Variants in COL22A1 observed in about 807,000 individuals in gnomAD.
COL22A1 encodes collagen type XXII alpha 1 chain.
COL22A1 carries 221 observed loss-of-function variants against 248.9 expected under a neutral mutation model. That is an observed-to-expected ratio of 0.89 (90% CI 0.80 to 0.99). The LOEUF (loss-of-function observed/expected upper bound fraction) is 0.99. Ranked by LOEUF, COL22A1 falls within the 50% of genes least tolerant of loss-of-function variation. The pLI is 0.00. For missense variants in COL22A1, 2,240 were observed against 2,179.0 expected (o/e 1.03, Z -0.56); for synonymous variants, 891 against 793.4 (o/e 1.12, Z -2.07).
intron 16 of COL22A1, among the ~76,000 whole-genome samples, chr8:138,775,030 T>C (rs1814292735): frequency 6.6e-6 from 1 of 152,164 alleles, no homozygotes; most frequent in Non-Finnish European, 1.5e-5. Context: ...TCACTATCTT[T>C]CAAATATCTT....
intron 3 of COL22A1, among the ~76,000 whole-genome samples, chr8:138,845,202 C>T (rs746450900): frequency 6.6e-6 from 1 of 152,064 alleles, no homozygotes; most frequent in Non-Finnish European, 1.5e-5. Flanking sequence ...TTAAAGTCTT[C>T]ATGGATCCTC....
At chr8:138,730,411 C>A (rs766298699) in intron 23 of COL22A1, among the ~76,000 whole-genome samples, 1 of 152,070 alleles carries the variant, frequency 6.6e-6, no homozygotes, top group Non-Finnish European at 1.5e-5. Context: ...TACTACGTAC[C>A]GCTGTGTTCT....
rs373542090 is a variant in COL22A1 at position 138,756,684 on chromosome 8, A to G, written c.1903-855T>C. The stretch of plus-strand genomic sequence containing the variant: ...TCACCAATTAAAGCTGAAGGCATCT[A>G]TTAGGTCTTAAGGCTAAGGGGGAAG... On this transcript the variant is annotated intron_variant, in intron 18 of 64. Coordinates refer to ENST00000303045, the MANE Select transcript of COL22A1 (RefSeq NM_152888.3). 2.6e-5 allele frequency among the ~76,000 whole-genome samples: 4 copies of G among 152,298 alleles called. No homozygotes were observed. The East Asian group carries it at 5.8e-4, about 22-fold the overall frequency.
At chr8:138,624,598 C>T (rs1398562888) in intron 51 of COL22A1, among the ~76,000 whole-genome samples, 1 of 152,182 alleles carries the variant, frequency 6.6e-6, no homozygotes, top group African/African-American at 2.4e-5. Flanking sequence ...AACACAAAAT[C>T]CAAATTGAAA....
intron 49 of COL22A1, among the ~76,000 whole-genome samples, chr8:138,632,150 G>A (rs1337840967): frequency 6.6e-6 from 1 of 151,966 alleles, no homozygotes; most frequent in Admixed American, 6.6e-5. Flanking sequence ...GGAAGGGGAG[G>A]AGCAATGCGG....
chr8:138,595,598 G>A (rs1205216007), intron 62 of COL22A1, among the ~76,000 whole-genome samples: 1 of 152,016 alleles, frequency 6.6e-6, no homozygotes, highest in Non-Finnish European at 1.5e-5. Flanking sequence ...CTTAACGTGT[G>A]CTTCAGAAAA....
Position 138,863,978 on chromosome 8 carries a change from C to T in COL22A1, c.658+13772G>A, listed in dbSNP as rs945755669. Reference sequence around the variant, plus strand: ...TTCACAAACTGTATTCTTTCAATTCCATTTTGTTCCCCCTCCCCAGAAAAA... The same window carrying T: ...TTCACAAACTGTATTCTTTCAATTCTATTTTGTTCCCCCTCCCCAGAAAAA... On this transcript the variant is annotated intron_variant, in intron 3 of 64. Transcript: ENST00000303045. Among the ~76,000 whole-genome samples the T allele has an allele frequency of 5.3e-5, 8 of 152,122 alleles. No individual in the cohort carries two copies. The South Asian group carries it at 1.7e-3, about 32-fold the overall frequency.
intron 16 of COL22A1, among the ~76,000 whole-genome samples, chr8:138,771,763 A>G (rs763589949): frequency 2.0e-5 from 3 of 152,206 alleles, no homozygotes; most frequent in Non-Finnish European, 2.9e-5. Context: ...CAGAGAAGAC[A>G]TTAATATTTC....
intron 4 of COL22A1, 39 bp downstream of exon 4, chr8:138,844,045 C>T (rs779527033): frequency 6.3e-7 from 1 of 1,577,274 alleles, no homozygotes; most frequent in South Asian, 1.1e-5. Context: ...GCAAATCATA[C>T]ACCAAAGCAA....
chr8:138,741,588 T>C (rs1831562575), intron 22 of COL22A1, among the ~76,000 whole-genome samples: 2 of 152,220 alleles, frequency 1.3e-5, no homozygotes, highest in South Asian at 4.1e-4. Context: ...ATCCCTCAAC[T>C]GTAACAGAGA....
intron 3 of COL22A1, 66 bp from the exon 4 acceptor site, chr8:138,844,224 T>C: frequency 1.2e-5 from 17 of 1,473,276 alleles, no homozygotes; most frequent in Non-Finnish European, 1.6e-5. Flanking sequence ...CTGTGAAATA[T>C]GACAGCACAC....
chr8:138,654,755 C>A (rs1244293435), intron 45 of COL22A1, among the ~76,000 whole-genome samples: 1 of 152,188 alleles, frequency 6.6e-6, no homozygotes, highest in Non-Finnish European at 1.5e-5. Context: ...GGCACCTGGG[C>A]ACCTGTGCAA....
Position 138,844,078 on chromosome 8 carries a change from C to T in COL22A1, c.733+6G>A. ...CAAGCACACGTGGTTATTGTTTTTC[C>T]CTTACCTGTGATTTCCTTGGTTCCT... On this transcript the variant is annotated splice_donor_region_variant and intron_variant, in intron 4 of 64. Transcript: ENST00000303045. 6.2e-7 allele frequency: 1 copy of T among 1,613,210 alleles called. No individual in the cohort carries two copies. Among genetic ancestry groups the T allele is most frequent in the Non-Finnish European group, 8.5e-7 (1 of 1,179,148 alleles).
intron 46 of COL22A1, among the ~76,000 whole-genome samples, chr8:138,648,601 T>C (rs1367126350): frequency 6.6e-6 from 1 of 152,160 alleles, no homozygotes; most frequent in Non-Finnish European, 1.5e-5. Flanking sequence ...TTTTCCAGTT[T>C]GATGACCCAG....
chr8:138,801,652 G>A (rs972606237), intron 11 of COL22A1, among the ~76,000 whole-genome samples: 3 of 152,154 alleles, frequency 2.0e-5, no homozygotes, highest in African/African-American at 4.8e-5. Flanking sequence ...TAGGGAGGCC[G>A]AGGCGTACCT....
intron 3 of COL22A1, among the ~76,000 whole-genome samples, 177 bp from the exon 4 acceptor site, chr8:138,844,335 T>C (rs1821084057): frequency 6.6e-6 from 1 of 152,266 alleles, no homozygotes; most frequent in Admixed American, 6.5e-5. Flanking sequence ...CATTTTCCTG[T>C]GTATTTGTTA....
chr8:138,779,566 A>G lies in COL22A1; in HGVS notation c.1651-4T>C. ...CTCCCAGCTCTCCTGGCTCCCCCTG[A>G]ACAAACAAAACAACACAAAGTCATA... On this transcript the variant is annotated splice_region_variant and splice_polypyrimidine_tract_variant and intron_variant, in intron 13 of 64. Transcript: ENST00000303045. 1 of 1,610,618 alleles carries G rather than the reference A, an allele frequency of 6.2e-7. No homozygotes were observed. Among genetic ancestry groups the G allele is most frequent in the Non-Finnish European group, 8.5e-7 (1 of 1,176,836 alleles).
At chr8:138,789,339 C>G (rs1815829830) in intron 12 of COL22A1, among the ~76,000 whole-genome samples, 1 of 152,278 alleles carries the variant, frequency 6.6e-6, no homozygotes, top group East Asian at 1.9e-4. Context: ...CCCTTAAACC[C>G]TTTAATTATC....
At chr8:138,802,195 T>G (rs1695847319) in intron 11 of COL22A1, among the ~76,000 whole-genome samples, 1 of 152,108 alleles carries the variant, frequency 6.6e-6, no homozygotes, top group South Asian at 2.1e-4. Context: ...CGGAATTCAC[T>G]TCTCAGCCAT....
Sources: allele counts gnomAD v4.1 joint callset (sites outside exome capture counted in the v4.1 genomes callset), GRCh38; gene constraint gnomAD v4.1.1; transcripts MANE v1.5; gene names NCBI Gene and HGNC (gene_info 2026-07-23, HGNC 2026-07-21).